Variants in MED23 observed in about 807,000 individuals in gnomAD.
MED23 encodes mediator of RNA polymerase II transcription subunit 23.
A neutral mutation model predicts 163.9 loss-of-function variants in MED23; 105 were observed. The observed-to-expected ratio is 0.64, with a 90% confidence interval of 0.55 to 0.75. MED23 has a LOEUF of 0.75. Ranked by LOEUF, MED23 falls within the 30% of genes least tolerant of loss-of-function variation. The pLI is 0.00. For synonymous variants in MED23, 561 were observed against 565.6 expected, an observed-to-expected ratio of 0.99 and a Z score of 0.12; for missense variants, 1,054 against 1,649.0, an observed-to-expected ratio of 0.64 and a Z score of 6.25.
intron 7 of MED23, 60 bp from the exon 8 acceptor site, chr6:131,619,956 G>T: frequency 1.0e-6 from 1 of 1,001,086 alleles, no homozygotes; most frequent in South Asian, 1.3e-5. Flanking sequence ...AATTGAGACT[G>T]CCCCTGAAAT....
At chr6:131,609,965 A>T in intron 11 of MED23, 81 bp downstream of exon 11, 1 of 1,342,334 alleles carries the variant, frequency 7.4e-7, no homozygotes, top group Non-Finnish European at 1.1e-6. Flanking sequence ...CAGTTCTAAA[A>T]TCACTAGGGA....
chr6:131,585,077 A>G (rs911061305), downstream of MED23, among the ~76,000 whole-genome samples: 1 of 152,088 alleles, frequency 6.6e-6, no homozygotes, highest in East Asian at 1.9e-4. Context: ...GTTTTTAATA[A>G]TAATTACTAA....
chr6:131,586,758 A>C lies in MED23; in HGVS notation c.*921T>G, dbSNP rs943587285. The C allele has an allele frequency of 4.8e-6, 7 of 1,468,236 alleles. No individual in the cohort carries two copies. Among genetic ancestry groups the C allele is most frequent in the Non-Finnish European group, 6.4e-6 (7 of 1,097,388 alleles). 91.0% of individuals were successfully genotyped at this position (1,468,236 alleles called of 1,614,324 possible). ...CGGGAAACAATCACACGGTTTATTC[A>C]TTCAGCAGACTTTACTCATTAGTTT... On this transcript the variant is annotated 3_prime_UTR_variant, in exon 29 of 29. Coordinates refer to ENST00000368068, the MANE Select transcript of MED23 (RefSeq NM_004830.4).
intron 30 of MED23, chr6:131,578,936 T>C (rs988680495): frequency 1.1e-5 from 7 of 651,014 alleles, no homozygotes; most frequent in Non-Finnish European, 1.5e-5. Context: ...ACTGGTAACA[T>C]GACGTCAAGC....
chr6:131,574,104 G>A (rs756590459), exon 31 of MED23: 4 of 711,536 alleles, frequency 5.6e-6, no homozygotes, highest in Admixed American at 4.2e-5. Context: ...AGTAAAGAGA[G>A]TGTGATGACA....
chr6:131,579,819 CTTTG>C (rs1256728173), intron 30 of MED23, among the ~76,000 whole-genome samples: 5 of 151,180 alleles, frequency 3.3e-5, no homozygotes, highest in Non-Finnish European at 4.4e-5. Flanking sequence ...TACATGATGA[CTTTG>C]TTTAACGTGT....
chr6:131,603,771 T>G (rs1263654276), intron 15 of MED23, among the ~76,000 whole-genome samples: 1 of 152,230 alleles, frequency 6.6e-6, no homozygotes, highest in East Asian at 1.9e-4. Context: ...GACATTATAA[T>G]GTATCTTCTG....
At chr6:131,594,699 T>A (rs2114610603) in intron 22 of MED23, among the ~76,000 whole-genome samples, 1 of 152,264 alleles carries the variant, frequency 6.6e-6, no homozygotes, top group Non-Finnish European at 1.5e-5. Context: ...AGGGGACTGA[T>A]AAAGTAAATC....
At chr6:131,601,562 T>A (rs758569527) in intron 17 of MED23, among the ~76,000 whole-genome samples, 67 of 152,216 alleles carry the variant, frequency 4.4e-4, no homozygotes, top group Non-Finnish European at 7.8e-4. Context: ...CAAAGAACAT[T>A]CCCAATTATC....
intron 7 of MED23, among the ~76,000 whole-genome samples, chr6:131,620,275 G>GT (rs1189192720): frequency 4.6e-5 from 7 of 152,104 alleles, no homozygotes; most frequent in African/African-American, 1.7e-4. Flanking sequence ...TAATATAACT[G>GT]TTTTTTATAA....
chr6:131,623,879 G>T (rs1330936018), intron 4 of MED23, among the ~76,000 whole-genome samples: 1 of 152,090 alleles, frequency 6.6e-6, no homozygotes, highest in Non-Finnish European at 1.5e-5. Flanking sequence ...GACTAATACA[G>T]CCATAGTCTG....
intron 26 of MED23, 42 bp downstream of exon 26, chr6:131,591,271 C>A (rs1774610325): frequency 1.3e-6 from 2 of 1,502,534 alleles, no homozygotes; most frequent in Non-Finnish European, 9.2e-7. Context: ...AACCACCGCA[C>A]CCAGCCTACG....
rs1222213364 is a variant in MED23, at chr6:131,596,104, C to T, written c.2838G>A (p.Gln946=). The T allele has an allele frequency of 1.2e-6, 2 of 1,614,146 alleles. No homozygotes were observed. Among genetic ancestry groups the T allele is most frequent in the Non-Finnish European group, 1.7e-6 (2 of 1,180,020 alleles). ...AGATGGGCAGATAGGGAGACTGGAT[C>T]TGTACAGGAGGATCCACCTGTTCCG... The part of the protein sequence containing the change: ...GLAEQVDPPV[Q]IQSPYLPIYF... The change falls in exon 22 of 29, where the codon CAG becomes CAA. Residue 946 remains glutamine (Q), a synonymous_variant. Transcript: ENST00000368068.
downstream of MED23, chr6:131,582,977 CTATATT>C (rs566085596): frequency 2.8e-5 from 27 of 958,810 alleles, no homozygotes; most frequent in South Asian, 6.3e-5. Flanking sequence ...ATATATTTTA[CTATATT>C]TATATTTCCC....
Position 131,624,918 on chromosome 6 carries a change from A to G in MED23, c.231T>C (p.Ser77=). The change falls in exon 4 of 29, where the codon TCT becomes TCC. Residue 77 remains serine, a synonymous_variant. Coordinates refer to ENST00000368068, the MANE Select transcript of MED23 (RefSeq NM_004830.4). The stretch of plus-strand genomic sequence containing the variant: ...CCATTGCTAAGCAGTCATAAAGAAA[A>G]GAAATTCTTTTAGGACTATGCTGAC... The part of the protein sequence containing the change: ...IHGQHSPKRI[S]FLYDCLAMAV... 6.2e-7 allele frequency: 1 copy of G among 1,613,912 alleles called. No individual in the cohort carries two copies. Among genetic ancestry groups the G allele is most frequent in the Admixed American group, 1.7e-5 (1 of 60,030 alleles).
chr6:131,615,851 AAAG>A, intron 10 of MED23, 53 bp downstream of exon 10: 1 of 1,307,894 alleles, frequency 7.6e-7, no homozygotes, highest in Non-Finnish European at 1.1e-6. Context: ...AGAAAAGAGA[AAAG>A]AATAGTGCAG....
At chr6:131,581,792 T>TATCA, downstream of MED23, among the ~76,000 whole-genome samples, 1 of 152,328 alleles carries the variant, frequency 6.6e-6, no homozygotes, top group Middle Eastern at 3.4e-3. Context: ...AGTCCTTCTA[T>TATCA]ATCATAGAGG....
chr6:131,574,598 C>G (rs1386118589), intron 30 of MED23, among the ~76,000 whole-genome samples: 1 of 152,082 alleles, frequency 6.6e-6, no homozygotes, highest in South Asian at 2.1e-4. Context: ...ATTGTAAGGA[C>G]TAAGAGAGAG....
At chr6:131,618,325 A>G in intron 9 of MED23, 82 bp downstream of exon 9, 1 of 914,256 alleles carries the variant, frequency 1.1e-6, no homozygotes, top group Non-Finnish European at 1.8e-6. Flanking sequence ...ATTATGAAGC[A>G]ACAATTTAGC....
Sources: allele counts gnomAD v4.1 joint callset (sites outside exome capture counted in the v4.1 genomes callset), GRCh38; gene constraint gnomAD v4.1.1; transcripts MANE v1.5; gene names NCBI Gene and HGNC (gene_info 2026-07-23, HGNC 2026-07-21).